Variants in CAND2 observed in about 807,000 individuals in gnomAD.
CAND2 encodes the protein cullin associated and neddylation dissociated 2 (putative), also known as cullin-associated NEDD8-dissociated protein 2.
CAND2 carries 62 observed loss-of-function variants against 98.9 expected under a neutral mutation model. The observed-to-expected ratio is 0.63, with a 90% confidence interval of 0.51 to 0.77. CAND2 has a LOEUF of 0.77. Among genes scored for constraint, CAND2 ranks in the 30% least tolerant of loss-of-function variants. The pLI is 0.00. For missense variants in CAND2, 1,501 were observed against 1,655.2 expected, an observed-to-expected ratio of 0.91 and a Z score of 1.62; for synonymous variants, 770 against 731.9, an observed-to-expected ratio of 1.05 and a Z score of -0.84.
chr3:12,820,167 T>C lies in CAND2; in HGVS notation c.3026T>C (p.Leu1009Pro). ...SDQPHPIDPL[L>P]KSFIGEFMES... ...CAGCCCCATCCCATTGACCCCCTCC[T>C]GAAGAGCTTCATCGGTGAGCACCTA... Residue 1009 changes from leucine to proline, a missense_variant, in exon 11 of 15, where the codon CTG becomes CCG. Leu to Pro is a moderately conservative substitution (Grantham distance 98). This residue lies in a region of CAND2 where 1,427 missense variants were observed against 1,545.3 expected (regional missense o/e 0.92). Transcript: ENST00000456430. 2 of 1,613,862 alleles carry C rather than the reference T, an allele frequency of 1.2e-6. No homozygotes were observed. Among genetic ancestry groups the C allele is most frequent in the Non-Finnish European group, 1.7e-6 (2 of 1,179,778 alleles).
At chr3:12,803,221 T>C (rs1213293069) in intron 1 of CAND2, among the ~76,000 whole-genome samples, 2 of 152,170 alleles carry the variant, frequency 1.3e-5, no homozygotes, top group African/African-American at 4.8e-5. Context: ...CTTGATCTCC[T>C]GACCTCGTGA....
rs1183491010 is a variant in CAND2 at position 12,833,940 on chromosome 3, T to C, written c.3669T>C (p.Asp1223=). Residue 1223 remains aspartate (D), a synonymous_variant, in exon 15 of 15, where the codon GAT becomes GAC. Transcript: ENST00000456430. ...CCCTCTTTGAAAGCATCCAGAAGGA[T>C]TCCGCTTCAGCCCCCAGCACAGACT... ...LAALFESIQK[D]SASAPSTDSM... is the part of the protein sequence containing the mutation. 2.5e-6 allele frequency: 4 copies of C among 1,614,166 alleles called. No homozygotes were observed. The South Asian group carries it at 4.4e-5, about 18-fold the overall frequency.
rs1055436762 is a variant in CAND2, at chr3:12,803,559, G to A, written c.140G>A (p.Arg47His). The A allele has an allele frequency of 9.3e-6, 15 of 1,613,390 alleles. No homozygotes were observed. The highest frequency in any genetic ancestry group is 1.7e-5 in the Admixed American group (1 of 59,950). Residue 47 changes from arginine (R) to histidine (H), a missense_variant, in exon 2 of 15, where the codon CGC (arginine) becomes CAC (histidine). By Grantham distance (29) the Arg-to-His change is conservative. This residue lies in a region of CAND2 where 62 missense variants were observed against 77.3 expected (regional missense o/e 0.80). Transcript: ENST00000456430. ...ATCCAGCTGGACGAGGACAGCGAGC[G>A]CAAGGTGGTGAAGATGCTGCTCCGG... ...DSIQLDEDSE[R>H]KVVKMLLRLL...
In CAND2 at chr3:12,815,151, C is replaced by T. The variant is rs760595492; in HGVS notation, c.1017C>T (p.Asp339=). The change falls in exon 8 of 15, where the codon GAC becomes GAT. Residue 339 remains aspartate (D), a synonymous_variant. Coordinates refer to ENST00000456430, the MANE Select transcript of CAND2 (RefSeq NM_001162499.2). This position sits in a 1 kb window ranked among gnomAD's most constrained non-coding sequence, Gnocchi z 5.7. ...DSEFSEQESE[D]EYSDDDDMSW... is the part of the protein sequence containing the mutation. ...TTGTTCCTGCCCCAGAGAGTGAAGACGAGTACAGCGATGACGATGACATGA... is the reference window on the plus strand; with the variant it reads ...TTGTTCCTGCCCCAGAGAGTGAAGATGAGTACAGCGATGACGATGACATGA... 8 of 1,607,302 alleles carry T rather than the reference C, an allele frequency of 5.0e-6. No individual in the cohort carries two copies. Among genetic ancestry groups the T allele is most frequent in the Non-Finnish European group, 6.0e-6 (7 of 1,175,116 alleles).
intron 11 of CAND2, among the ~76,000 whole-genome samples, chr3:12,821,578 C>A (rs775782582): frequency 3.3e-5 from 5 of 152,236 alleles, no homozygotes; most frequent in African/African-American, 7.2e-5. Flanking sequence ...ACATGCCCCC[C>A]CTCCGGCCTG....
chr3:12,827,503 G>A lies in CAND2; in HGVS notation c.3274G>A (p.Glu1092Lys), dbSNP rs749706834. The A allele has an allele frequency of 6.2e-7, 1 of 1,614,138 alleles. No individual in the cohort carries two copies. The highest frequency in any genetic ancestry group is 1.6e-4 in the Middle Eastern group (1 of 6,062). Residue 1092 changes from glutamate to lysine, a missense_variant, in exon 13 of 15, where the codon GAA (glutamate) becomes AAA (lysine). This residue lies in a region of CAND2 where 1,427 missense variants were observed against 1,545.3 expected (regional missense o/e 0.92). Coordinates refer to ENST00000456430, the MANE Select transcript of CAND2 (RefSeq NM_001162499.2). ...DGLDVRKAAFECMYSLLESCL... is the reference protein window; with the variant it reads ...DGLDVRKAAFKCMYSLLESCL... ...GCTGGACGTGCGGAAGGCGGCCTTT[G>A]AATGCATGTATTCACTGCTTGAGAG...
At chr3:12,829,864 C>CA (rs2062038926) in intron 13 of CAND2, among the ~76,000 whole-genome samples, 1 of 152,182 alleles carries the variant, frequency 6.6e-6, no homozygotes, top group African/African-American at 2.4e-5. Flanking sequence ...CAATATATAT[C>CA]AGTCCTGTCA....
chr3:12,810,510 G>C (rs2061844027), intron 5 of CAND2, among the ~76,000 whole-genome samples, 186 bp downstream of exon 5: 1 of 152,198 alleles, frequency 6.6e-6, no homozygotes, highest in Non-Finnish European at 1.5e-5. Context: ...GGGGCGGGCG[G>C]CTGAAGCCCC....
chr3:12,831,011 TGTTAA>T (rs2062049204), intron 13 of CAND2, among the ~76,000 whole-genome samples: 1 of 144,922 alleles, frequency 6.9e-6, no homozygotes, highest in African/African-American at 2.8e-5. Context: ...GTTTAGTTGT[TGTTAA>T]AAGTTTTTGT....
At chr3:12,825,774 G>A (rs904721916) in intron 12 of CAND2, 135 bp downstream of exon 12, 12 of 918,868 alleles carry the variant, frequency 1.3e-5, no homozygotes, top group Admixed American at 1.1e-4. Flanking sequence ...CCCTGACTCC[G>A]AGCTGTGGGA....
chr3:12,833,375 A>G (rs1484638777), intron 14 of CAND2, among the ~76,000 whole-genome samples: 2 of 152,152 alleles, frequency 1.3e-5, no homozygotes, highest in Admixed American at 6.5e-5. Context: ...GTCTAGTCAT[A>G]TGGTGCTAAG....
intron 10 of CAND2, among the ~76,000 whole-genome samples, chr3:12,819,257 ACT>A (rs796672042): frequency 3.9e-5 from 6 of 152,178 alleles, no homozygotes; most frequent in African/African-American, 1.4e-4. Flanking sequence ...GAATTCAGTA[ACT>A]CTTCCATTCA....
chr3:12,809,406 C>T (rs118074765), intron 4 of CAND2, among the ~76,000 whole-genome samples: 1 of 152,052 alleles, frequency 6.6e-6, no homozygotes, highest in Non-Finnish European at 1.5e-5. Flanking sequence ...CAAATGAAAC[C>T]TAGGAGAGGG....
At position 12,825,518 on chromosome 3, in the gene CAND2, C is replaced by T. The variant is rs1041146446; in HGVS notation, c.3089C>T (p.Ala1030Val). Residue 1030 changes from alanine to valine, a missense_variant, in exon 12 of 15, where the codon GCG (alanine) becomes GTG (valine). This residue lies in a region of CAND2 where 1,427 missense variants were observed against 1,545.3 expected (regional missense o/e 0.92). Transcript: ENST00000456430. ...LQDPDLNVRR[A>V]TLAFFNSAVH... is the part of the protein sequence containing the mutation. ...GACCCAGACCTGAACGTGCGCCGTGCGACTCTGGCTTTCTTCAACTCAGCT... is the reference window on the plus strand; with the variant it reads ...GACCCAGACCTGAACGTGCGCCGTGTGACTCTGGCTTTCTTCAACTCAGCT... 3.1e-6 allele frequency: 5 copies of T among 1,592,010 alleles called. No individual in the cohort carries two copies. The South Asian group carries it at 3.4e-5, about 11-fold the overall frequency.
intron 5 of CAND2, among the ~76,000 whole-genome samples, chr3:12,812,735 T>C (rs2061863524): frequency 6.6e-6 from 1 of 152,216 alleles, no homozygotes; most frequent in Non-Finnish European, 1.5e-5. Flanking sequence ...ACAAAATCTC[T>C]GCCCAGGAGG....
At chr3:12,801,667 G>A (rs1294960561) in intron 1 of CAND2, among the ~76,000 whole-genome samples, 3 of 152,222 alleles carry the variant, frequency 2.0e-5, no homozygotes, top group Non-Finnish European at 4.4e-5. Flanking sequence ...CCCACCCTAG[G>A]TCAGTGAGCC....
chr3:12,798,015 G>A lies in CAND2; in HGVS notation c.68+1227G>A, dbSNP rs138196028. On this transcript the variant is annotated intron_variant, in intron 1 of 14. Transcript: ENST00000456430. ...TCCCAGCTGCCGTCACTCACTGGCC[G>A]TGTGACCATGGACAAGTAACTTAAC... Among the ~76,000 whole-genome samples, 59 of 152,216 alleles carry A rather than the reference G, an allele frequency of 3.9e-4. No individual in the cohort carries two copies. In the East Asian group the frequency reaches 8.9e-3, roughly 23 times the overall value.
intron 1 of CAND2, among the ~76,000 whole-genome samples, chr3:12,802,295 C>T (rs1322499390): frequency 6.6e-6 from 1 of 152,176 alleles, no homozygotes; most frequent in Non-Finnish European, 1.5e-5. Context: ...CCACTGCACT[C>T]CAGCCTGGGC....
chr3:12,833,441 A>C (rs1203584236), intron 14 of CAND2, among the ~76,000 whole-genome samples: 1 of 152,190 alleles, frequency 6.6e-6, no homozygotes, highest in South Asian at 2.1e-4. Flanking sequence ...GTAGGAGGTA[A>C]GTATGGGAAC....
Sources: allele counts gnomAD v4.1 joint callset (sites outside exome capture counted in the v4.1 genomes callset), GRCh38; gene constraint gnomAD v4.1.1; regional missense constraint gnomAD v4.1.1; non-coding constraint Gnocchi (gnomAD v3.1); transcripts MANE v1.5; gene names NCBI Gene and HGNC (gene_info 2026-07-23, HGNC 2026-07-21).